Variants in DIAPH1 observed in about 807,000 individuals in gnomAD.
The protein encoded by DIAPH1 is diaphanous related formin 1, also known as protein diaphanous homolog 1.
A neutral mutation model predicts 140.7 loss-of-function variants in DIAPH1; 46 were observed. That is an observed-to-expected ratio of 0.33 (90% CI 0.26 to 0.42). DIAPH1 has a LOEUF of 0.42. Among genes scored for constraint, DIAPH1 ranks in the 10% least tolerant of loss-of-function variants. DIAPH1 has a pLI of 1.00. For synonymous variants in DIAPH1, 565 were observed against 551.6 expected, an observed-to-expected ratio of 1.02 and a Z score of -0.34; for missense variants, 1,310 against 1,558.7, an observed-to-expected ratio of 0.84 and a Z score of 2.69.
intron 18 of DIAPH1, among the ~76,000 whole-genome samples, chr5:141,561,567 C>T (rs2154595971): frequency 6.6e-6 from 1 of 152,108 alleles, no homozygotes; most frequent in South Asian, 2.1e-4. Flanking sequence ...TCCTTTTTAA[C>T]CCTGTGTCTT....
Position 141,574,962 on chromosome 5 carries a change from A to G in DIAPH1, c.1641+5T>C. The G allele has an allele frequency of 6.2e-7, 1 of 1,614,096 alleles. No individual in the cohort carries two copies. Among genetic ancestry groups the G allele is most frequent in the Non-Finnish European group, 8.5e-7 (1 of 1,180,006 alleles). On this transcript the variant is annotated splice_donor_5th_base_variant and intron_variant, in intron 15 of 27. Transcript: ENST00000389054. ...GTCATTCTGCCTTCCCTGCTCAGGC[A>G]TTACCTCTCCTGTGAGCTGGGACAC... is the stretch of plus-strand genomic sequence containing the variant.
At chr5:141,524,104 CCCTT>C (rs775733764) in intron 27 of DIAPH1, 35 bp downstream of exon 27, 1 of 1,576,260 alleles carries the variant, frequency 6.3e-7, no homozygotes, top group South Asian at 1.1e-5. Flanking sequence ...AGCCCTCACC[CCCTT>C]CGACACCCAG....
chr5:141,527,749 C>T (rs372803498), intron 23 of DIAPH1, 52 bp from the exon 24 acceptor site: 436 of 1,499,194 alleles, frequency 2.9e-4, no homozygotes, highest in Non-Finnish European at 3.6e-4. Context: ...CAAGAGCTTA[C>T]TAATAATCCC....
chr5:141,579,137 A>C lies in DIAPH1; in HGVS notation c.884T>G (p.Phe295Cys), dbSNP rs753947283. Residue 295 changes from phenylalanine to cysteine, a missense_variant, in exon 9 of 28, where the codon TTC becomes TGC. Transcript: ENST00000389054. ...TTTTAATCCATCCAGCAGCGGCTGG[A>C]AACGTTCCACTTCATCCATCTCAGC... ...ERAEMDEVER[F>C]QPLLDGLKSG... 6.2e-7 allele frequency: 1 copy of C among 1,614,234 alleles called. No homozygotes were observed. Among genetic ancestry groups the C allele is most frequent in the Non-Finnish European group, 8.5e-7 (1 of 1,180,028 alleles).
chr5:141,561,144 T>G (rs2099893465), intron 18 of DIAPH1, among the ~76,000 whole-genome samples: 1 of 152,030 alleles, frequency 6.6e-6, no homozygotes, highest in Non-Finnish European at 1.5e-5. Context: ...CAGTTTTTCT[T>G]GCTAAAAGAA....
chr5:141,562,136 A>G (rs1171495885), intron 18 of DIAPH1, among the ~76,000 whole-genome samples: 1 of 152,108 alleles, frequency 6.6e-6, no homozygotes, highest in Non-Finnish European at 1.5e-5. Context: ...ATTGTTATGT[A>G]TGAGTTTTTT....
At chr5:141,581,245 T>C (rs574090182) in intron 7 of DIAPH1, among the ~76,000 whole-genome samples, 1 of 152,242 alleles carries the variant, frequency 6.6e-6, no homozygotes, top group African/African-American at 2.4e-5. Flanking sequence ...GCCAACAAGC[T>C]ACCAGAAACT....
chr5:141,539,593 A>G (rs941076511), intron 18 of DIAPH1, among the ~76,000 whole-genome samples: 4 of 151,952 alleles, frequency 2.6e-5, no homozygotes, highest in Non-Finnish European at 5.9e-5. Context: ...GTTTTTGACT[A>G]ATGATTCAAT....
intron 27 of DIAPH1, among the ~76,000 whole-genome samples, chr5:141,518,104 T>C (rs1299492202): frequency 2.6e-5 from 4 of 152,076 alleles, no homozygotes; most frequent in African/African-American, 9.7e-5. Flanking sequence ...AACCCAGAGA[T>C]AGAAAATAGA....
chr5:141,534,185 T>A, intron 19 of DIAPH1, 150 bp downstream of exon 19: 1 of 670,278 alleles, frequency 1.5e-6, no homozygotes, highest in South Asian at 1.7e-5. Context: ...AAATTAAACA[T>A]GATACTGAAA....
chr5:141,615,199 G>A (rs2099902477), intron 1 of DIAPH1, among the ~76,000 whole-genome samples: 1 of 151,952 alleles, frequency 6.6e-6, no homozygotes, highest in South Asian at 2.1e-4. Context: ...ACTTCGGGAG[G>A]CTGAGGCTGG....
intron 14 of DIAPH1, 52 bp downstream of exon 14, chr5:141,576,178 A>C: frequency 7.2e-7 from 1 of 1,396,688 alleles, no homozygotes; most frequent in Non-Finnish European, 1.0e-6. Context: ...GAAAATAATA[A>C]TTCTCAAAGA....
chr5:141,577,687 A>G (rs1394387331), intron 11 of DIAPH1, 96 bp from the exon 12 acceptor site: 18 of 802,312 alleles, frequency 2.2e-5, no homozygotes, highest in Middle Eastern at 2.6e-4. Context: ...GAAAAGTAGC[A>G]AGACACCACT....
In DIAPH1 at chr5:141,573,547, G is replaced by A. The variant is rs552373013; in HGVS notation, c.2303C>T (p.Thr768Ile). Residue 768 changes from threonine to isoleucine, a missense_variant, in exon 16 of 28, where the codon ACC (threonine) becomes ATC (isoleucine). Physicochemically the swap from Thr to Ile is moderately conservative, Grantham distance 89. Around this residue, in one of 3 missense-constraint regions of DIAPH1, gnomAD observed 589 missense variants for 549.3 expected, o/e 1.07. Transcript: ENST00000389054. Reference protein sequence around the residue: ...PAAPVLPFGLTPKKLYKPEVQ... With the variant: ...PAAPVLPFGLIPKKLYKPEVQ... Reference sequence around the variant, plus strand: ...CTCTGGCTTATAAAGCTTTTTGGGGGTTAATCCAAATGGCAGAACTGGGGC... The same window carrying A: ...CTCTGGCTTATAAAGCTTTTTGGGGATTAATCCAAATGGCAGAACTGGGGC... 2 of 1,614,050 alleles carry A rather than the reference G, an allele frequency of 1.2e-6. No homozygotes were observed. Among genetic ancestry groups the A allele is most frequent in the South Asian group, 1.1e-5 (1 of 91,070 alleles).
chr5:141,552,006 C>T (rs1045845025), intron 18 of DIAPH1, among the ~76,000 whole-genome samples: 2 of 152,110 alleles, frequency 1.3e-5, no homozygotes, highest in Non-Finnish European at 2.9e-5. Flanking sequence ...CCTGAAAATT[C>T]CATGTGGTAG....
chr5:141,543,584 C>G (rs141022544), intron 18 of DIAPH1, among the ~76,000 whole-genome samples: 1 of 152,130 alleles, frequency 6.6e-6, no homozygotes, highest in Non-Finnish European at 1.5e-5. Context: ...AATTCATTAT[C>G]AACATTATAA....
intron 18 of DIAPH1, among the ~76,000 whole-genome samples, chr5:141,553,397 T>C (rs978989489): frequency 3.9e-5 from 6 of 152,158 alleles, no homozygotes; most frequent in African/African-American, 1.4e-4. Context: ...CCCAGCACTT[T>C]GGGAGGTCAA....
rs2099896156 is a variant in DIAPH1 at position 141,577,645 on chromosome 5, AG to A, written c.1164-55del. The stretch of plus-strand genomic sequence containing the variant: ...CAAATATGCAGAAATTATGTTTGAC[AG>A]GTGGCTTATTTAACTCTTGAAAAAG... On this transcript the variant is annotated intron_variant, in intron 11 of 27. Coordinates refer to ENST00000389054, the MANE Select transcript of DIAPH1 (RefSeq NM_005219.5). The A allele has an allele frequency of 3.4e-6, 4 of 1,175,400 alleles. No homozygotes were observed. In the South Asian group the frequency reaches 4.9e-5, roughly 14 times the overall value. The allele number at this position is 1,175,400 out of a possible 1,614,324, so 72.8% of individuals were successfully genotyped here. A position where few individuals can be genotyped will look rare whatever the true frequency, so the allele number is the denominator to read the frequency against.
At chr5:141,590,795 A>T (rs948940990) in intron 1 of DIAPH1, among the ~76,000 whole-genome samples, 2 of 150,814 alleles carry the variant, frequency 1.3e-5, no homozygotes, top group Non-Finnish European at 2.9e-5. Context: ...CTGCCTACAG[A>T]CTCTTGATTC....
Sources: allele counts gnomAD v4.1 joint callset (sites outside exome capture counted in the v4.1 genomes callset), GRCh38; gene constraint gnomAD v4.1.1; regional missense constraint gnomAD v4.1.1; transcripts MANE v1.5; gene names NCBI Gene and HGNC (gene_info 2026-07-23, HGNC 2026-07-21).